SPOPL: variants seen among roughly 807,000 people sequenced by gnomAD.
SPOPL encodes the protein speckle type BTB/POZ protein like, also known as speckle-type POZ protein-like.
Under a neutral mutation model 53.8 loss-of-function variants are expected in SPOPL, and 23 were observed. The ratio of observed to expected loss-of-function variants is 0.43; its 90% confidence interval spans 0.31 to 0.61. The LOEUF is 0.61. Ranked by LOEUF, SPOPL falls within the 20% of genes least tolerant of loss-of-function variation. The pLI is 0.12. For missense variants in SPOPL, 442 were observed against 466.9 expected (o/e 0.95, Z 0.49); for synonymous variants, 164 against 149.7 (o/e 1.10, Z -0.70).
rs560125448 is a variant in SPOPL at position 138,571,147 on chromosome 2, G to A, written c.*2067G>A. On this transcript the variant is annotated 3_prime_UTR_variant, in exon 11 of 11. Coordinates refer to ENST00000280098, the MANE Select transcript of SPOPL (RefSeq NM_001001664.3). ...TATACATTTCCAGTTTTAAGATTTT[G>A]CGAGGGTCTTATAAGAAAACAAAAA... The A allele has an allele frequency of 6.6e-6, 1 of 152,160 alleles. No homozygotes were observed. Among genetic ancestry groups the A allele is most frequent in the South Asian group, 2.1e-4 (1 of 4,834 alleles). 9.4% of individuals were successfully genotyped at this position (152,160 alleles called of 1,614,324 possible).
chr2:138,557,572 TTACTG>T (rs980437442), intron 5 of SPOPL, among the ~76,000 whole-genome samples: 23 of 152,314 alleles, frequency 1.5e-4, no homozygotes, highest in African/African-American at 5.3e-4. Flanking sequence ...TCTGCATAGT[TTACTG>T]TATATATGTG....
At chr2:138,520,063 A>G (rs1380691175) in intron 1 of SPOPL, among the ~76,000 whole-genome samples, 2 of 152,212 alleles carry the variant, frequency 1.3e-5, no homozygotes, top group Non-Finnish European at 1.5e-5. Flanking sequence ...ATTATCTGTC[A>G]CTAGTTGAAA....
intron 1 of SPOPL, among the ~76,000 whole-genome samples, chr2:138,508,039 T>C (rs1684251791): frequency 6.6e-6 from 1 of 152,208 alleles, no homozygotes; most frequent in African/African-American, 2.4e-5. Context: ...GGTGAAGATG[T>C]AGTACTAAAC....
intron 1 of SPOPL, among the ~76,000 whole-genome samples, chr2:138,544,185 C>T (rs62161736): frequency 2.0e-3 from 299 of 152,288 alleles, no homozygotes; most frequent in South Asian, 7.0e-3. Flanking sequence ...GGGTCAGGGA[C>T]CCACTTGAGG....
At chr2:138,536,831 C>G (rs548188207) in intron 1 of SPOPL, among the ~76,000 whole-genome samples, 1 of 152,330 alleles carries the variant, frequency 6.6e-6, no homozygotes, top group South Asian at 2.1e-4. Flanking sequence ...TTATGGTCCA[C>G]TTCTTTCCAC....
At chr2:138,504,158 A>G (rs1275829468) in intron 1 of SPOPL, among the ~76,000 whole-genome samples, 7 of 152,250 alleles carry the variant, frequency 4.6e-5, no homozygotes, top group Admixed American at 4.6e-4. Context: ...AAATATGTAC[A>G]TATGTAACTA....
At position 138,573,097 on chromosome 2, in the gene SPOPL, A is replaced by T. The variant is rs191998385; in HGVS notation, c.*4017A>T. 1 of 152,134 alleles carries T rather than the reference A, an allele frequency of 6.6e-6. No individual in the cohort carries two copies. The highest frequency in any genetic ancestry group is 1.9e-4 in the East Asian group (1 of 5,190). 9.4% of individuals were successfully genotyped at this position (152,134 alleles called of 1,614,324 possible). A position where few individuals can be genotyped will look rare whatever the true frequency, so the allele number is the denominator to read the frequency against. ...AAGATTCAAGTGTATAAAAACTTAT[A>T]TTGAACTTTTCAGCCTCGTTTTTAA... is the stretch of plus-strand genomic sequence containing the variant. On this transcript the variant is annotated 3_prime_UTR_variant, in exon 11 of 11. Coordinates refer to ENST00000280098, the MANE Select transcript of SPOPL (RefSeq NM_001001664.3).
chr2:138,551,830 A>G (rs1685319593), intron 4 of SPOPL, among the ~76,000 whole-genome samples: 1 of 152,074 alleles, frequency 6.6e-6, no homozygotes, highest in Non-Finnish European at 1.5e-5. Flanking sequence ...TAGATAATGA[A>G]TACTTTCTGT....
At chr2:138,505,617 AAAAAAT>A (rs1224725859) in intron 1 of SPOPL, among the ~76,000 whole-genome samples, 2 of 148,390 alleles carry the variant, frequency 1.3e-5, no homozygotes, top group African/African-American at 5.0e-5. Context: ...AAAAAAAAAA[AAAAAAT>A]AGTTAGTTGG....
At chr2:138,565,896 G>C (rs1685650285) in intron 10 of SPOPL, among the ~76,000 whole-genome samples, 1 of 151,856 alleles carries the variant, frequency 6.6e-6, no homozygotes, top group Non-Finnish European at 1.5e-5. Flanking sequence ...ACCACACCTG[G>C]CTCATTTTTT....
At chr2:138,557,448 G>A (rs746595492) in intron 5 of SPOPL, among the ~76,000 whole-genome samples, 10 of 152,164 alleles carry the variant, frequency 6.6e-5, no homozygotes, top group Admixed American at 4.6e-4. Context: ...TGTATGTCTG[G>A]ATGTATTGGG....
rs1000310097 is a variant in SPOPL at position 138,571,555 on chromosome 2, G to A, written c.*2475G>A. On this transcript the variant is annotated 3_prime_UTR_variant, in exon 11 of 11. Coordinates refer to ENST00000280098, the MANE Select transcript of SPOPL (RefSeq NM_001001664.3). ...GTTGATTTATTTTTTTATTTATTAT[G>A]TATATTTTTGGTATTGTGGGTTCTT... 1 of 152,338 alleles carries A rather than the reference G, an allele frequency of 6.6e-6. No individual in the cohort carries two copies. Among genetic ancestry groups the A allele is most frequent in the Non-Finnish European group, 1.5e-5 (1 of 67,968 alleles). The allele number at this position is 152,338 out of a possible 1,614,324, so 9.4% of individuals were successfully genotyped here.
chr2:138,511,250 A>G (rs943500799), intron 1 of SPOPL, among the ~76,000 whole-genome samples: 4 of 152,078 alleles, frequency 2.6e-5, no homozygotes, highest in Non-Finnish European at 5.9e-5. Context: ...ATTTATTTTT[A>G]CTGTTGTCTC....
intron 5 of SPOPL, among the ~76,000 whole-genome samples, chr2:138,555,735 A>G (rs915182664): frequency 2.0e-5 from 3 of 152,218 alleles, no homozygotes; most frequent in Non-Finnish European, 4.4e-5. Context: ...TTTTCAGGAT[A>G]GTCACAGATT....
chr2:138,560,785 GTGT>G lies in SPOPL; in HGVS notation c.715-15_715-13del, dbSNP rs1685528762. ...TACTTTTTTTTTTTTTAACATTTTT[GTGT>G]TGTTTTTCGATATCAGAATCGAGTG... is the stretch of plus-strand genomic sequence containing the variant. On this transcript the variant is annotated splice_polypyrimidine_tract_variant and intron_variant, in intron 7 of 10. Transcript: ENST00000280098. 6.5e-7 allele frequency: 1 copy of G among 1,530,876 alleles called. No individual in the cohort carries two copies. Among genetic ancestry groups the G allele is most frequent in the Non-Finnish European group, 8.7e-7 (1 of 1,147,284 alleles). 94.8% of individuals were successfully genotyped at this position (1,530,876 alleles called of 1,614,324 possible).
intron 1 of SPOPL, among the ~76,000 whole-genome samples, chr2:138,503,603 C>T (rs184458047): frequency 4.9e-4 from 75 of 152,318 alleles, no homozygotes; most frequent in African/African-American, 1.7e-3. Flanking sequence ...TTGAAAACTA[C>T]AGGGTTTTAG....
In SPOPL at chr2:138,550,956, C is replaced by G; in HGVS notation, c.254C>G (p.Ser85Cys). 6.2e-7 allele frequency: 1 copy of G among 1,613,310 alleles called. No homozygotes were observed. Among genetic ancestry groups the G allele is most frequent in the Non-Finnish European group, 8.5e-7 (1 of 1,179,560 alleles). The change falls in exon 4 of 11, where the codon TCC becomes TGC. Residue 85 changes from serine (S) to cysteine (C), a missense_variant. Transcript: ENST00000280098. Reference protein sequence around the residue: ...GLDDESKDYLSLYLLLVSCPK... With the variant: ...GLDDESKDYLCLYLLLVSCPK... Reference sequence around the variant, plus strand: ...GATGATGAAAGTAAAGACTACTTGTCCTTATATTTGCTTTTAGTCAGCTGC... The same window carrying G: ...GATGATGAAAGTAAAGACTACTTGTGCTTATATTTGCTTTTAGTCAGCTGC...
chr2:138,532,533 TCTC>T (rs1684834083), intron 1 of SPOPL, among the ~76,000 whole-genome samples: 1 of 148,472 alleles, frequency 6.7e-6, no homozygotes, highest in Admixed American at 6.7e-5. Flanking sequence ...TTCACACCAT[TCTC>T]CTGCATCAGC....
At chr2:138,558,241 G>A (rs1395567323) in intron 5 of SPOPL, among the ~76,000 whole-genome samples, 1 of 152,158 alleles carries the variant, frequency 6.6e-6, no homozygotes, top group East Asian at 1.9e-4. Context: ...TATTCAGTAT[G>A]TGGTCATCTT....
Sources: allele counts gnomAD v4.1 joint callset (sites outside exome capture counted in the v4.1 genomes callset), GRCh38; gene constraint gnomAD v4.1.1; transcripts MANE v1.5; gene names NCBI Gene and HGNC (gene_info 2026-07-23, HGNC 2026-07-21).